The following DACH1 variants were observed in gnomAD, a reference collection of about 807,000 sequenced individuals.
The protein encoded by DACH1 is dachshund homolog 1.
A neutral mutation model predicts 54.2 loss-of-function variants in DACH1; 12 were observed. That is an observed-to-expected ratio of 0.22 (90% confidence interval 0.14 to 0.36). The LOEUF (loss-of-function observed/expected upper bound fraction) is 0.36. DACH1 is among the 10% of genes least tolerant of loss of function. The pLI, the probability that DACH1 is intolerant of heterozygous loss-of-function variation, is 1.00. For synonymous variants in DACH1, 386 were observed against 366.2 expected (o/e 1.05, Z -0.62); for missense variants, 805 against 929.8 (o/e 0.87, Z 1.75).
intron 7 of DACH1, among the ~76,000 whole-genome samples, chr13:71,486,742 A>C (rs1878536548): frequency 6.6e-6 from 1 of 152,228 alleles, no homozygotes; most frequent in African/African-American, 2.4e-5. Flanking sequence ...TGATAACTGC[A>C]TCTATATATA....
chr13:71,657,564 C>T (rs561219836), intron 2 of DACH1, among the ~76,000 whole-genome samples: 2 of 124,450 alleles, frequency 1.6e-5, no homozygotes, highest in African/African-American at 3.1e-5. Context: ...CAGATTGAGA[C>T]CCTGTCTCAA....
intron 10 of DACH1, among the ~76,000 whole-genome samples, chr13:71,462,937 G>T (rs957647794): frequency 6.6e-6 from 1 of 151,594 alleles, no homozygotes; most frequent in South Asian, 2.1e-4. Flanking sequence ...ATACATATGC[G>T]TGTGTGTGCA....
Position 71,572,910 on chromosome 13 carries a change from G to T in DACH1, c.1229C>A (p.Thr410Asn). Reference sequence around the variant, plus strand: ...TGCTGCTGCTGCCATATTTGCAATGGTGCTGAGGTGGTTCATCTGGCTCAT... The same window carrying T: ...TGCTGCTGCTGCCATATTTGCAATGTTGCTGAGGTGGTTCATCTGGCTCAT... ...MAMSQMNHLS[T>N]IANMAAAAQV... is the part of the protein sequence containing the mutation. The change falls in exon 4 of 11, where the codon ACC (threonine) becomes AAC (asparagine). Residue 410 changes from threonine (T) to asparagine (N), a missense_variant. This residue lies in a region of DACH1 where 472 missense variants were observed against 545.3 expected (regional missense o/e 0.87). Coordinates refer to ENST00000613252, the MANE Select transcript of DACH1 (RefSeq NM_080759.6). The T allele has an allele frequency of 6.2e-7, 1 of 1,614,094 alleles. No homozygotes were observed. Among genetic ancestry groups the T allele is most frequent in the East Asian group, 2.2e-5 (1 of 44,854 alleles).
intron 1 of DACH1, 115 bp downstream of exon 1, chr13:71,865,807 C>T: frequency 7.6e-7 from 1 of 1,309,846 alleles, no homozygotes. Flanking sequence ...CCGCGCTCGC[C>T]GGGGCGCGCG....
chr13:71,493,966 A>C (rs533228227), intron 6 of DACH1, among the ~76,000 whole-genome samples: 5 of 152,306 alleles, frequency 3.3e-5, no homozygotes, highest in Admixed American at 6.5e-5. Flanking sequence ...TAAGATTCTT[A>C]AATTATCTTG....
chr13:71,604,320 G>A (rs1481721104), intron 3 of DACH1, among the ~76,000 whole-genome samples: 1 of 151,800 alleles, frequency 6.6e-6, no homozygotes, highest in Non-Finnish European at 1.5e-5. Context: ...AAGTGATTAA[G>A]TAAAAATGAA....
chr13:71,790,824 G>A (rs2147810), intron 1 of DACH1, among the ~76,000 whole-genome samples: 31,323 of 152,100 alleles, frequency 0.21, 4,266 homozygotes, highest in Non-Finnish European at 0.29. Context: ...AAAGATGAAA[G>A]GCTATTTAGT....
chr13:71,485,875 C>A (rs1878461036), intron 7 of DACH1, among the ~76,000 whole-genome samples: 1 of 151,888 alleles, frequency 6.6e-6, no homozygotes, highest in Admixed American at 6.6e-5. Context: ...GCCACTGCAC[C>A]TGGCTAACTT....
chr13:71,749,628 C>T (rs1884833588), intron 1 of DACH1, among the ~76,000 whole-genome samples: 1 of 152,120 alleles, frequency 6.6e-6, no homozygotes, highest in African/African-American at 2.4e-5. Flanking sequence ...AAATTACAGG[C>T]ATTCCCTTAA....
At chr13:71,811,890 T>A (rs1887728219) in intron 1 of DACH1, among the ~76,000 whole-genome samples, 1 of 152,220 alleles carries the variant, frequency 6.6e-6, no homozygotes. Context: ...TTATTGCAAA[T>A]TTATCTTATG....
At chr13:71,564,900 T>C (rs1189174328) in intron 4 of DACH1, among the ~76,000 whole-genome samples, 2 of 152,028 alleles carry the variant, frequency 1.3e-5, no homozygotes, top group Non-Finnish European at 2.9e-5. Flanking sequence ...GGGAAAACAA[T>C]TTGTAATATT....
chr13:71,566,613 A>G (rs1342627280), intron 4 of DACH1, among the ~76,000 whole-genome samples: 3 of 152,054 alleles, frequency 2.0e-5, no homozygotes, highest in African/African-American at 4.8e-5. Context: ...AATGTGAACA[A>G]TGAGTTTCTT....
In DACH1 at chr13:71,464,116, A is replaced by G. The variant is rs554372741; in HGVS notation, c.2083+11025T>C. On this transcript the variant is annotated intron_variant, in intron 10 of 10. Coordinates refer to ENST00000613252, the MANE Select transcript of DACH1 (RefSeq NM_080759.6). ...TAACCAGCTAAAATATTTTCAACCA[A>G]TGAACCATTTCCCAAACAATTAAAC... Among the ~76,000 whole-genome samples, 145 of 151,964 alleles carry G rather than the reference A, an allele frequency of 9.5e-4. 1 individual carries two copies. The highest frequency in any genetic ancestry group is 3.4e-3 in the African/African-American group (140 of 41,444).
At chr13:71,696,844 C>T (rs1485460569) in intron 1 of DACH1, among the ~76,000 whole-genome samples, 1 of 152,122 alleles carries the variant, frequency 6.6e-6, no homozygotes, top group East Asian at 1.9e-4. Flanking sequence ...CCGTGCCCGG[C>T]CTGAAATTCA....
In DACH1 at chr13:71,524,685, G is replaced by A. The variant is rs1175755621; in HGVS notation, c.1570+32339C>T. ...TGCTTTTTTTCTTTTTTGGTGATCC[G>A]CCAGTTTGAGAGCTTATTGAGAGCA... On this transcript the variant is annotated intron_variant, in intron 6 of 10. Coordinates refer to ENST00000613252, the MANE Select transcript of DACH1 (RefSeq NM_080759.6). 2.6e-5 allele frequency among the ~76,000 whole-genome samples: 4 copies of A among 151,904 alleles called. No individual in the cohort carries two copies. In the South Asian group the frequency reaches 6.2e-4, roughly 24 times the overall value.
At chr13:71,733,988 G>A (rs1000348823) in intron 1 of DACH1, among the ~76,000 whole-genome samples, 1 of 151,854 alleles carries the variant, frequency 6.6e-6, no homozygotes, top group Non-Finnish European at 1.5e-5. Flanking sequence ...ATCGGAGGTT[G>A]CACTGAGCTG....
At chr13:71,600,150 C>T (rs1874390562) in intron 3 of DACH1, among the ~76,000 whole-genome samples, 2 of 152,180 alleles carry the variant, frequency 1.3e-5, no homozygotes, top group Non-Finnish European at 2.9e-5. Flanking sequence ...ATAGGAAAGA[C>T]ACTCTGATGT....
At chr13:71,667,420 G>A (rs1054157518) in intron 2 of DACH1, among the ~76,000 whole-genome samples, 1 of 152,138 alleles carries the variant, frequency 6.6e-6, no homozygotes, top group Non-Finnish European at 1.5e-5. Flanking sequence ...ACGCTAATGG[G>A]AGTGATAATG....
rs561391660 is a variant in DACH1, at chr13:71,532,639, G to T, written c.1570+24385C>A. On this transcript the variant is annotated intron_variant, in intron 6 of 10. Coordinates refer to ENST00000613252, the MANE Select transcript of DACH1 (RefSeq NM_080759.6). ...TGTGTTCACATGTTTAAAGGATCCT[G>T]GTACCTAGTAGGCTTTCAGCCAGTA... Among the ~76,000 whole-genome samples, 19 of 152,052 alleles carry T rather than the reference G, an allele frequency of 1.2e-4. No homozygotes were observed. In the South Asian group the frequency reaches 3.9e-3, roughly 32 times the overall value.
Sources: gnomAD v4.1 joint callset for allele counts (sites outside exome capture counted in the v4.1 genomes callset) on GRCh38, gnomAD v4.1.1 for gene constraint, gnomAD v4.1.1 regional missense constraint, MANE v1.5 for transcripts, NCBI Gene and HGNC (gene_info 2026-07-23, HGNC 2026-07-21) for gene names.